The following AKAP14 variants were observed in gnomAD, a reference collection of about 807,000 sequenced individuals.
AKAP14 encodes A-kinase anchor protein 14.
In AKAP14, 4 loss-of-function variants were observed where a neutral mutation model predicts 17.0. The observed-to-expected ratio is 0.23, with a 90% confidence interval of 0.12 to 0.54. AKAP14 has a LOEUF of 0.54. AKAP14 is among the 20% of genes least tolerant of loss of function. AKAP14 has a pLI of 0.95. For synonymous variants in AKAP14, 42 were observed against 51.3 expected (o/e 0.82, Z 0.77); for missense variants, 129 against 150.9 (o/e 0.85, Z 0.76).
At chrX:119,896,805 CT>C (rs765107118) in intron 2 of AKAP14, among the ~76,000 whole-genome samples, 3 of 70,754 alleles carry the variant, frequency 4.2e-5, no homozygotes, top group South Asian at 7.8e-4. Flanking sequence ...CTTTTCTTTT[CT>C]TTTTTTCTTT....
rs113400083 is a variant in AKAP14, at chrX:119,905,135, C to G, written c.261+1549C>G. Among the ~76,000 whole-genome samples the G allele has an allele frequency of 5.0e-3, 563 of 111,621 alleles. 4 individuals are homozygous for G. Among genetic ancestry groups the G allele is most frequent in the African/African-American group, 0.017 (521 of 30,802 alleles). On this transcript the variant is annotated intron_variant, in intron 4 of 6. Coordinates refer to ENST00000371431, the MANE Select transcript of AKAP14 (RefSeq NM_178813.6). ...AAATTGGTGGAGGCGAACTCCCCTA[C>G]CCCTGGGAAAAGTTCCAGCTCTCTC...
intron 2 of AKAP14, among the ~76,000 whole-genome samples, chrX:119,898,459 C>A (rs1393659864): frequency 8.9e-6 from 1 of 112,094 alleles, no homozygotes; most frequent in African/African-American, 3.2e-5. Flanking sequence ...GTATCTACTA[C>A]CCCCTGGGAT....
chrX:119,903,249 GCCAGAAA>G lies in AKAP14; in HGVS notation c.27_33del (p.Ser9ArgfsTer26). 2 of 1,209,796 alleles carry G rather than the reference GCCAGAAA, an allele frequency of 1.7e-6. No homozygotes were observed. The highest frequency in any genetic ancestry group is 2.2e-6 in the Non-Finnish European group (2 of 895,166). ...ATGAGTGAGACTCAAAATTCAACAA[GCCAGAAA>G]GCAATGGATGAGGATAACAAAGCCG... On this transcript the variant is annotated frameshift_variant, in exon 3 of 7. Transcript: ENST00000371431. LOFTEE classifies it high-confidence loss of function.
chrX:119,914,927 AC>A (rs2056648977), intron 5 of AKAP14, 49 bp downstream of exon 5: 2 of 1,113,177 alleles, frequency 1.8e-6, no homozygotes, highest in African/African-American at 3.7e-5. Flanking sequence ...GAGAATGGAG[AC>A]TTCTCTTGTC....
chrX:119,907,640 G>T (rs1195023554), intron 4 of AKAP14, among the ~76,000 whole-genome samples: 8 of 107,955 alleles, frequency 7.4e-5, no homozygotes, highest in Non-Finnish European at 1.3e-4. Flanking sequence ...TTATTTTTTT[G>T]TAGAGATGAG....
intron 2 of AKAP14, among the ~76,000 whole-genome samples, chrX:119,902,892 T>C (rs746222206): frequency 1.8e-5 from 2 of 111,745 alleles, no homozygotes; most frequent in African/African-American, 6.5e-5. Context: ...GGTTTCACCA[T>C]GTTGGTCAGG....
intron 5 of AKAP14, chrX:119,919,689 T>TA (rs891793204): frequency 1.4e-4 from 44 of 319,536 alleles, no homozygotes; most frequent in African/African-American, 9.7e-4. Context: ...CTACTAAAAA[T>TA]AAAAAAAATA....
chrX:119,900,566 T>A (rs903521380), intron 2 of AKAP14, among the ~76,000 whole-genome samples: 1 of 111,664 alleles, frequency 9.0e-6, no homozygotes, highest in Non-Finnish European at 1.9e-5. Flanking sequence ...AGGGTCTCGC[T>A]CTGTCACCCA....
chrX:119,919,242 C>A (rs2056675004), intron 5 of AKAP14, among the ~76,000 whole-genome samples: 1 of 111,938 alleles, frequency 8.9e-6, no homozygotes, highest in Non-Finnish European at 1.9e-5. Context: ...AAATGTTTCT[C>A]ACCTTTTCAT....
chrX:119,906,225 CTTTTTTTTTTT>C lies in AKAP14; in HGVS notation c.261+2656_261+2666del, dbSNP rs10637499. Reference sequence around the variant, plus strand: ...CACTAATGCAGCATGCCTGGCATTTCTTTTTTTTTTTTTTTTTTTTTTTTTTTGAGACGGAG... The same window carrying C: ...CACTAATGCAGCATGCCTGGCATTTCTTTTTTTTTTTTTTTTGAGACGGAG... On this transcript the variant is annotated intron_variant, in intron 4 of 6. Transcript: ENST00000371431. 1.8e-4 allele frequency among the ~76,000 whole-genome samples: 9 copies of C among 50,885 alleles called. No homozygotes were observed. The East Asian group carries it at 2.2e-3, about 13-fold the overall frequency. The allele number at this position is 50,885 out of a possible 115,157, so 44.2% of individuals were successfully genotyped here. A position where few individuals can be genotyped will look rare whatever the true frequency, so the allele number is the denominator to read the frequency against.
At chrX:119,902,221 A>C (rs1259825939) in intron 2 of AKAP14, among the ~76,000 whole-genome samples, 3 of 107,819 alleles carry the variant, frequency 2.8e-5, no homozygotes, top group Admixed American at 1.0e-4. Flanking sequence ...GATTACAGGC[A>C]TGAGCCACCA....
rs2056579909 is a variant in AKAP14 at position 119,903,478 on chromosome X, A to G, written c.170-17A>G. 3 of 1,211,725 alleles carry G rather than the reference A, an allele frequency of 2.5e-6. No individual in the cohort carries two copies. The highest frequency in any genetic ancestry group is 3.5e-5 in the African/African-American group (2 of 57,692). On this transcript the variant is annotated splice_polypyrimidine_tract_variant and intron_variant, in intron 3 of 6. Coordinates refer to ENST00000371431, the MANE Select transcript of AKAP14 (RefSeq NM_178813.6). Reference sequence around the variant, plus strand: ...ACACTACCTGGCAACTAACGAACTCACACCTTTTTTTTGCAGAGGAGCGAA... The same window carrying G: ...ACACTACCTGGCAACTAACGAACTCGCACCTTTTTTTTGCAGAGGAGCGAA...
At chrX:119,919,612 G>A (rs1055796350) in intron 5 of AKAP14, among the ~76,000 whole-genome samples, 7 of 112,196 alleles carry the variant, frequency 6.2e-5, no homozygotes, top group African/African-American at 2.3e-4. Flanking sequence ...TTGGGAGGCC[G>A]AGGTGGGCGG....
chrX:119,904,115 T>G (rs2056584215), intron 4 of AKAP14, among the ~76,000 whole-genome samples: 1 of 110,724 alleles, frequency 9.0e-6, no homozygotes, highest in African/African-American at 3.3e-5. Context: ...TTTAATTTTT[T>G]TTTGTAGAGA....
Position 119,903,501 on chromosome X carries a change from G to T in AKAP14, c.176G>T (p.Arg59Leu). Reference protein sequence around the residue: ...NYAVKIVEEERNPLKNIKWMT... With the variant: ...NYAVKIVEEELNPLKNIKWMT... The stretch of plus-strand genomic sequence containing the variant: ...TCACACCTTTTTTTTGCAGAGGAGC[G>T]AAACCCTTTGAAAAACATCAAGTGG... Residue 59 changes from arginine (R) to leucine (L), a missense_variant, in exon 4 of 7, where the codon CGA (arginine) becomes CTA (leucine). Transcript: ENST00000371431. The T allele has an allele frequency of 1.7e-6, 2 of 1,211,411 alleles. No individual in the cohort carries two copies. Among genetic ancestry groups the T allele is most frequent in the Non-Finnish European group, 2.2e-6 (2 of 895,481 alleles).
At position 119,908,965 on chromosome X, in the gene AKAP14, G is replaced by T. The variant is rs940999462; in HGVS notation, c.261+5379G>T. Among the ~76,000 whole-genome samples, 15 of 111,398 alleles carry T rather than the reference G, an allele frequency of 1.3e-4. 1 individual carries two copies. The highest frequency in any genetic ancestry group is 4.6e-4 in the African/African-American group (14 of 30,713). ...TTAGAACTGAGGCTTCTAGTGGGGT[G>T]GAGAAAGCACTGAGCGGGCTGCTCA... On this transcript the variant is annotated intron_variant, in intron 4 of 6. Transcript: ENST00000371431.
intron 2 of AKAP14, among the ~76,000 whole-genome samples, chrX:119,899,504 G>A (rs1341071013): frequency 8.9e-6 from 1 of 111,801 alleles, no homozygotes; most frequent in African/African-American, 3.2e-5. Context: ...ACGTTGAGGG[G>A]AGAGAATGCT....
At chrX:119,908,051 C>T (rs1158421077) in intron 4 of AKAP14, among the ~76,000 whole-genome samples, 3 of 110,760 alleles carry the variant, frequency 2.7e-5, no homozygotes, top group Admixed American at 1.9e-4. Context: ...TTTGGGAGGG[C>T]GAGGCGGGCG....
intron 2 of AKAP14, among the ~76,000 whole-genome samples, chrX:119,901,388 G>A: frequency 8.9e-6 from 1 of 111,773 alleles, no homozygotes; most frequent in Non-Finnish European, 1.9e-5. Context: ...TTCCTCTGCT[G>A]TAATGCCTCT....
Sources: allele counts gnomAD v4.1 joint callset (sites outside exome capture counted in the v4.1 genomes callset), GRCh38; gene constraint gnomAD v4.1.1; transcripts MANE v1.5; gene names NCBI Gene and HGNC (gene_info 2026-07-23, HGNC 2026-07-21).